The following ABCA13 variants were observed in gnomAD, a reference collection of about 807,000 sequenced individuals.
ABCA13 encodes the protein ATP binding cassette subfamily A member 13.
In ABCA13, 476 loss-of-function variants were observed where a neutral mutation model predicts 478.7. The observed-to-expected ratio is 0.99, with a 90% CI of 0.92 to 1.07. The LOEUF (loss-of-function observed/expected upper bound fraction) is 1.07, where lower values mean the gene tolerates loss of function less well. Ranked by LOEUF, ABCA13 falls within the 50% of genes least tolerant of loss-of-function variation. The pLI, the probability that ABCA13 is intolerant of heterozygous loss-of-function variation, is 0.00. For synonymous variants in ABCA13, 2,252 were observed against 2,158.9 expected (o/e 1.04, Z -1.20); for missense variants, 6,060 against 5,910.6 (o/e 1.03, Z -0.83).
intron 41 of ABCA13, among the ~76,000 whole-genome samples, chr7:48,412,872 C>T (rs1321693426): frequency 1.3e-5 from 2 of 150,786 alleles, no homozygotes; most frequent in African/African-American, 4.9e-5. Flanking sequence ...AGTGCAGTGG[C>T]GCTATCTCGG....
At chr7:48,345,989 G>C (rs141732424) in intron 29 of ABCA13, among the ~76,000 whole-genome samples, 1 of 151,942 alleles carries the variant, frequency 6.6e-6, no homozygotes, top group Non-Finnish European at 1.5e-5. Context: ...CCTTACCATC[G>C]TGTTACAATT....
intron 41 of ABCA13, among the ~76,000 whole-genome samples, chr7:48,422,210 CT>C (rs1820867046): frequency 6.9e-6 from 1 of 144,094 alleles, no homozygotes; most frequent in African/African-American, 2.6e-5. Context: ...TCTTTTTTTT[CT>C]TTTTTCCTAA....
intron 20 of ABCA13, among the ~76,000 whole-genome samples, chr7:48,288,959 GTC>G (rs1303159091): frequency 6.6e-6 from 1 of 152,158 alleles, no homozygotes; most frequent in African/African-American, 2.4e-5. Context: ...GTGAAGACCT[GTC>G]TCTCTTCTAG....
chr7:48,576,770 T>C (rs560340930), intron 55 of ABCA13, among the ~76,000 whole-genome samples: 1 of 152,012 alleles, frequency 6.6e-6, no homozygotes, highest in Non-Finnish European at 1.5e-5. Flanking sequence ...CTAACACCAC[T>C]GAGACAGCCA....
intron 55 of ABCA13, among the ~76,000 whole-genome samples, chr7:48,537,337 T>C (rs1024045061): frequency 1.3e-5 from 2 of 152,208 alleles, no homozygotes; most frequent in African/African-American, 4.8e-5. Context: ...CCTAAAAATG[T>C]AATAAATCAT....
At chr7:48,501,057 T>C (rs995027081) in intron 48 of ABCA13, among the ~76,000 whole-genome samples, 1 of 152,178 alleles carries the variant, frequency 6.6e-6, no homozygotes, top group Non-Finnish European at 1.5e-5. Flanking sequence ...TACTGTCCAG[T>C]GCCCCGGTTT....
Position 48,171,495 on chromosome 7 carries a change from C to T in ABCA13, c.12C>T (p.Ala4=), listed in dbSNP as rs553515447. 1.3e-5 allele frequency: 20 copies of T among 1,536,126 alleles called. No homozygotes were observed. The highest frequency in any genetic ancestry group is 2.7e-5 in the African/African-American group (2 of 73,122). MGH[A]GCQFKALLWK... ...AGGGAGCAGCAGGCATGGGGCATGCCGGGTGCCAGTTCAAAGCCCTGCTGT... is the reference window on the plus strand; with the variant it reads ...AGGGAGCAGCAGGCATGGGGCATGCTGGGTGCCAGTTCAAAGCCCTGCTGT... Residue 4 remains alanine (A), a synonymous_variant, in exon 1 of 62, where the codon GCC becomes GCT. Transcript: ENST00000435803.
intron 38 of ABCA13, among the ~76,000 whole-genome samples, chr7:48,402,374 C>T (rs1461053003): frequency 6.6e-6 from 1 of 152,156 alleles, no homozygotes; most frequent in East Asian, 1.9e-4. Context: ...ATTGGAATCT[C>T]GCAGCTGGGA....
intron 27 of ABCA13, 109 bp from the exon 28 acceptor site, chr7:48,335,313 C>G: frequency 1.5e-6 from 1 of 671,480 alleles, no homozygotes; most frequent in South Asian, 2.8e-5. Flanking sequence ...AGCTGGCCTG[C>G]AGGCAGATCT....
chr7:48,294,620 G>T (rs1040820127), intron 20 of ABCA13, among the ~76,000 whole-genome samples: 1 of 150,786 alleles, frequency 6.6e-6, no homozygotes, highest in African/African-American at 2.4e-5. Context: ...CTAATTTTTT[G>T]TATTTTTAGT....
Position 48,545,556 on chromosome 7 carries a change from A to G in ABCA13, c.14354+17211A>G, listed in dbSNP as rs1383142860. Among the ~76,000 whole-genome samples the G allele has an allele frequency of 2.0e-5, 3 of 151,808 alleles. No homozygotes were observed. The Admixed American group carries it at 2.0e-4, about 10-fold the overall frequency. Reference sequence around the variant, plus strand: ...GCAAGGATGGTCTCACAGCTCATATATCATTTTTTTTCAAGAGCCCATTAA... The same window carrying G: ...GCAAGGATGGTCTCACAGCTCATATGTCATTTTTTTTCAAGAGCCCATTAA... On this transcript the variant is annotated intron_variant, in intron 55 of 61. Coordinates refer to ENST00000435803, the MANE Select transcript of ABCA13 (RefSeq NM_152701.5).
chr7:48,575,333 C>G (rs1788059777), intron 55 of ABCA13, among the ~76,000 whole-genome samples: 1 of 151,934 alleles, frequency 6.6e-6, no homozygotes, highest in African/African-American at 2.4e-5. Flanking sequence ...AGTTGATACT[C>G]TAAAGACTTA....
chr7:48,452,205 C>T (rs533000430), intron 42 of ABCA13, among the ~76,000 whole-genome samples: 19 of 152,272 alleles, frequency 1.2e-4, no homozygotes, highest in Admixed American at 7.2e-4. Flanking sequence ...GTCAACATTA[C>T]GTTTATTCTG....
chr7:48,636,351 C>T (rs1794636811), intron 59 of ABCA13, among the ~76,000 whole-genome samples: 2 of 152,192 alleles, frequency 1.3e-5, no homozygotes, highest in African/African-American at 4.8e-5. Context: ...TATAGCTCCT[C>T]TAGTTTGTAA....
chr7:48,175,651 C>T (rs1423032740), intron 1 of ABCA13, among the ~76,000 whole-genome samples: 1 of 152,116 alleles, frequency 6.6e-6, no homozygotes, highest in Admixed American at 6.5e-5. Context: ...GAACTCCTGA[C>T]CTCAGGGGAG....
Position 48,219,334 on chromosome 7 carries a change from A to G in ABCA13, c.288-20A>G, listed in dbSNP as rs1459123207. On this transcript the variant is annotated intron_variant, in intron 3 of 61. Transcript: ENST00000435803. ...ATTCTTGTTAAAGAGTTTCACTTGC[A>G]GTATTTATTCTGTTTAAAGTTTGTC... The G allele has an allele frequency of 1.3e-6, 2 of 1,575,788 alleles. No homozygotes were observed. Among genetic ancestry groups the G allele is most frequent in the Non-Finnish European group, 1.7e-6 (2 of 1,169,632 alleles).
chr7:48,595,778 G>A (rs960900631), intron 58 of ABCA13, among the ~76,000 whole-genome samples: 7 of 152,126 alleles, frequency 4.6e-5, no homozygotes, highest in African/African-American at 1.2e-4. Flanking sequence ...AGGAGGTGTC[G>A]CTTCTTCCAT....
Position 48,276,519 on chromosome 7 carries a change from T to C in ABCA13, c.6853T>C (p.Ser2285Pro). ...FLKEDSENKI[S>P]LLLKYFHKDV... ...AAAGGAAGATTCTGAGAACAAAATA[T>C]CTCTTCTGCTGAAATATTTCCACAA... is the stretch of plus-strand genomic sequence containing the variant. The change falls in exon 17 of 62, where the codon TCT becomes CCT. Residue 2285 changes from serine (S) to proline (P), a missense_variant. Transcript: ENST00000435803. 6 of 1,611,092 alleles carry C rather than the reference T, an allele frequency of 3.7e-6. No homozygotes were observed. Among genetic ancestry groups the C allele is most frequent in the Non-Finnish European group, 5.1e-6 (6 of 1,179,364 alleles).
intron 55 of ABCA13, among the ~76,000 whole-genome samples, chr7:48,568,000 TA>T (rs889445315): frequency 6.6e-6 from 1 of 152,168 alleles, no homozygotes; most frequent in African/African-American, 2.4e-5. Context: ...TTAGCTTTTG[TA>T]AATACTGGTA....
Sources: gnomAD v4.1 joint callset for allele counts (sites outside exome capture counted in the v4.1 genomes callset) on GRCh38, gnomAD v4.1.1 for gene constraint, MANE v1.5 for transcripts, NCBI Gene and HGNC (gene_info 2026-07-23, HGNC 2026-07-21) for gene names.